Variants in RIC1 observed in about 807,000 individuals in gnomAD.
RIC1 encodes RIC1 partner of RAB6A GEF complex, also known as guanine nucleotide exchange factor subunit RIC1.
Under a neutral mutation model 169.0 loss-of-function variants are expected in RIC1, and 88 were observed. The ratio of observed to expected loss-of-function variants is 0.52; its 90% confidence interval spans 0.44 to 0.62. The LOEUF is 0.62. Among genes scored for constraint, RIC1 ranks in the 20% least tolerant of loss-of-function variants. The pLI, the probability that RIC1 is intolerant of heterozygous loss-of-function variation, is 0.00. For missense variants in RIC1, 1,877 were observed against 1,725.5 expected (o/e 1.09, Z -1.56); for synonymous variants, 790 against 601.5 (o/e 1.31, Z -4.59).
chr9:5,648,648 C>G (rs1476500879), intron 1 of RIC1, among the ~76,000 whole-genome samples: 1 of 152,118 alleles, frequency 6.6e-6, no homozygotes, highest in Non-Finnish European at 1.5e-5. Context: ...CACAGGAGTT[C>G]CCTTTTCTCT....
intron 1 of RIC1, among the ~76,000 whole-genome samples, chr9:5,633,650 A>C (rs1468559865): frequency 6.6e-6 from 1 of 152,160 alleles, no homozygotes; most frequent in Non-Finnish European, 1.5e-5. Flanking sequence ...ACTTAGATCT[A>C]CCCTGTGAGT....
intron 2 of RIC1, 25 bp from the exon 3 acceptor site, chr9:5,689,934 A>G: frequency 2.0e-6 from 3 of 1,468,140 alleles, no homozygotes; most frequent in South Asian, 1.2e-5. Context: ...TCTTTAATTC[A>G]TGATTAATAA....
At chr9:5,738,359 C>G in intron 7 of RIC1, 91 bp from the exon 8 acceptor site, 1 of 838,952 alleles carries the variant, frequency 1.2e-6, no homozygotes, top group Non-Finnish European at 1.9e-6. Context: ...CTAGTTTACA[C>G]TCCCACCAGC....
intron 17 of RIC1, 103 bp from the exon 18 acceptor site, chr9:5,762,438 A>AT (rs1826399124): frequency 7.2e-7 from 1 of 1,386,260 alleles, no homozygotes; most frequent in Non-Finnish European, 9.9e-7. Context: ...ACCTCAATAA[A>AT]TAATGTAGAT....
chr9:5,699,269 G>A (rs555076729), intron 3 of RIC1, among the ~76,000 whole-genome samples: 2 of 152,120 alleles, frequency 1.3e-5, no homozygotes, highest in Admixed American at 6.5e-5. Flanking sequence ...AAAGATGTAC[G>A]CTTTGGGTGA....
At position 5,700,656 on chromosome 9, in the gene RIC1, T is replaced by C. The variant is rs1822157523; in HGVS notation, c.332+10618T>C. Among the ~76,000 whole-genome samples, 3 of 151,998 alleles carry C rather than the reference T, an allele frequency of 2.0e-5. No homozygotes were observed. The South Asian group carries it at 6.2e-4, about 31-fold the overall frequency. ...AAATACTTGAATTGTCTAACAAGCT[T>C]TGTACCATTTCATGAGCAGGTATTT... On this transcript the variant is annotated intron_variant, in intron 3 of 25. Transcript: ENST00000414202.
At chr9:5,695,866 C>T (rs371289120) in intron 3 of RIC1, among the ~76,000 whole-genome samples, 39 of 152,188 alleles carry the variant, frequency 2.6e-4, no homozygotes, top group South Asian at 1.2e-3. Context: ...CCACTGCACC[C>T]GGCCTATTAT....
At chr9:5,686,922 T>A (rs1261489448) in intron 2 of RIC1, among the ~76,000 whole-genome samples, 1 of 152,184 alleles carries the variant, frequency 6.6e-6, no homozygotes, top group East Asian at 1.9e-4. Flanking sequence ...TCAACTGATA[T>A]TATTTATTTC....
At chr9:5,709,160 C>G (rs1470781015) in intron 3 of RIC1, among the ~76,000 whole-genome samples, 1 of 151,918 alleles carries the variant, frequency 6.6e-6, no homozygotes, top group African/African-American at 2.4e-5. Context: ...AATCACTTCC[C>G]CTCATATTTT....
chr9:5,743,844 ACT>A, intron 10 of RIC1, 107 bp downstream of exon 10: 1 of 801,090 alleles, frequency 1.2e-6, no homozygotes, highest in South Asian at 1.6e-5. Context: ...AGGGTCTTAC[ACT>A]GTCACCCAGG....
At chr9:5,671,499 C>A (rs537077964) in intron 2 of RIC1, among the ~76,000 whole-genome samples, 1 of 144,166 alleles carries the variant, frequency 6.9e-6, no homozygotes, top group Non-Finnish European at 1.5e-5. Context: ...TGGTCTCTAA[C>A]TCCTGACCTC....
intron 2 of RIC1, among the ~76,000 whole-genome samples, chr9:5,680,815 A>ATTTTTTTTTTTTTTTTTTT (rs66478510): frequency 1.7e-5 from 1 of 57,738 alleles, no homozygotes; most frequent in African/African-American, 5.8e-5. Flanking sequence ...GCAGTCATTG[A>ATTTTTTTTTTTTTTTTTTT]TTTTTTTTTT....
rs189943205 is a variant in RIC1, at chr9:5,725,006, G to T, written c.720+4256G>T. Among the ~76,000 whole-genome samples the T allele has an allele frequency of 1.5e-3, 234 of 152,238 alleles. 1 individual carries two copies. The highest frequency in any genetic ancestry group is 5.5e-3 in the African/African-American group (229 of 41,540). On this transcript the variant is annotated intron_variant, in intron 6 of 25. Transcript: ENST00000414202. ...GCATCATTGTTCATAAGGGATATTGGTCTAATATTCTCTTTTTTTGTTGTG... is the reference window on the plus strand; with the variant it reads ...GCATCATTGTTCATAAGGGATATTGTTCTAATATTCTCTTTTTTTGTTGTG...
chr9:5,678,020 C>G (rs1383179864), intron 2 of RIC1, among the ~76,000 whole-genome samples: 1 of 151,806 alleles, frequency 6.6e-6, no homozygotes, highest in Non-Finnish European at 1.5e-5. Flanking sequence ...ACAACAGTCC[C>G]CAGTGTGTGA....
chr9:5,660,984 C>T (rs1279362462), intron 2 of RIC1, among the ~76,000 whole-genome samples: 2 of 151,914 alleles, frequency 1.3e-5, no homozygotes, highest in African/African-American at 4.8e-5. Context: ...ACATTTAAAT[C>T]TTTAATCAAT....
At chr9:5,700,699 A>G (rs1248273805) in intron 3 of RIC1, among the ~76,000 whole-genome samples, 1 of 152,160 alleles carries the variant, frequency 6.6e-6, no homozygotes, top group African/African-American at 2.4e-5. Context: ...AGCATGATAT[A>G]TGCATTGTGT....
At chr9:5,778,069 C>T (rs79369321), downstream of RIC1, among the ~76,000 whole-genome samples, 1,033 of 152,214 alleles carry the variant, frequency 6.8e-3, 15 homozygotes, top group African/African-American at 0.023. Flanking sequence ...CCATATTAAG[C>T]CTTCCAGTCC....
At chr9:5,746,917 T>C (rs1451640052) in intron 11 of RIC1, among the ~76,000 whole-genome samples, 3 of 152,130 alleles carry the variant, frequency 2.0e-5, no homozygotes, top group African/African-American at 7.2e-5. Context: ...AAGAGAGCAT[T>C]TCTCCCTCCC....
chr9:5,687,836 G>A (rs1026735451), intron 2 of RIC1, among the ~76,000 whole-genome samples: 4 of 152,022 alleles, frequency 2.6e-5, no homozygotes, highest in Non-Finnish European at 4.4e-5. Context: ...CCTGTCATGC[G>A]GAGACTCTGT....
Sources: allele counts gnomAD v4.1 joint callset (sites outside exome capture counted in the v4.1 genomes callset), GRCh38; gene constraint gnomAD v4.1.1; transcripts MANE v1.5; gene names NCBI Gene and HGNC (gene_info 2026-07-23, HGNC 2026-07-21).